The following CLXN variants were observed in gnomAD, a reference collection of about 807,000 sequenced individuals.
CLXN encodes the protein calaxin.
the CLXN span, chr8:48,724,837 CA>C: frequency 2.5e-6 from 4 of 1,577,154 alleles, no homozygotes; most frequent in African/African-American, 1.4e-5. Flanking sequence ...TATAAATTTC[CA>C]AAAAAGGTAG....
At chr8:48,715,498 C>T in the CLXN span, 1 of 152,240 alleles carries the variant, frequency 6.6e-6, no homozygotes, top group Non-Finnish European at 1.5e-5. Context: ...AGCTTGGCAA[C>T]AAAGGGGATC....
the CLXN span, among the ~76,000 whole-genome samples, chr8:48,726,484 TCATC>T: frequency 9.9e-3 from 1,047 of 105,318 alleles, 30 homozygotes; most frequent in East Asian, 0.14. Context: ...ATCCATCCAT[TCATC>T]CATCCATCCA....
chr8:48,723,625 C>T, the CLXN span: 2 of 152,290 alleles, frequency 1.3e-5, no homozygotes, highest in African/African-American at 4.8e-5. Flanking sequence ...GCAGCTCACC[C>T]AAGCCTAACC....
the CLXN span, among the ~76,000 whole-genome samples, chr8:48,728,267 T>C: frequency 6.6e-6 from 1 of 152,230 alleles, no homozygotes; most frequent in African/African-American, 2.4e-5. Context: ...CATCTCTTGT[T>C]CCATCTCTTT....
At chr8:48,734,980 A>G in the CLXN span, 1 of 1,208,732 alleles carries the variant, frequency 8.3e-7, no homozygotes. Flanking sequence ...GGCGGTAGGT[A>G]GCCCACAGAG....
the CLXN span, among the ~76,000 whole-genome samples, chr8:48,733,830 A>G: frequency 6.6e-6 from 1 of 152,194 alleles, no homozygotes; most frequent in African/African-American, 2.4e-5. Flanking sequence ...TCAAATTCAA[A>G]CTTACGGAAA....
At chr8:48,732,199 C>T in the CLXN span, among the ~76,000 whole-genome samples, 1 of 152,106 alleles carries the variant, frequency 6.6e-6, no homozygotes, top group African/African-American at 2.4e-5. Context: ...ATTTGTGTTC[C>T]AATCCCCATT....
At chr8:48,729,625 C>T in the CLXN span, 1 of 1,176,656 alleles carries the variant, frequency 8.5e-7, no homozygotes, top group Non-Finnish European at 1.2e-6. Flanking sequence ...TTTAAGCAAG[C>T]AGAGAACTGA....
the CLXN span, chr8:48,730,652 G>A: frequency 3.2e-6 from 5 of 1,566,622 alleles, no homozygotes; most frequent in Middle Eastern, 1.7e-4. Flanking sequence ...ATACTAAAGG[G>A]AGAGAGGTTA....
the CLXN span, among the ~76,000 whole-genome samples, chr8:48,732,850 A>G: frequency 6.6e-6 from 1 of 152,210 alleles, no homozygotes; most frequent in Non-Finnish European, 1.5e-5. Flanking sequence ...TAAGCCAGAC[A>G]CAAAAGGACA....
At chr8:48,724,059 C>G in the CLXN span, 1 of 152,106 alleles carries the variant, frequency 6.6e-6, no homozygotes, top group Non-Finnish European at 1.5e-5. Context: ...GATTTTCAGT[C>G]CAATCTACAG....
the CLXN span, chr8:48,735,081 C>T: frequency 6.2e-7 from 1 of 1,614,178 alleles, no homozygotes; most frequent in Non-Finnish European, 8.5e-7. Context: ...TCCAGCACTA[C>T]ATTCTTACTT....
the CLXN span, among the ~76,000 whole-genome samples, chr8:48,714,675 A>G: frequency 6.6e-6 from 1 of 152,342 alleles, no homozygotes; most frequent in South Asian, 2.1e-4. Context: ...AAAAGAATGT[A>G]TATTGCAGGG....
the CLXN span, among the ~76,000 whole-genome samples, chr8:48,716,951 T>G: frequency 2.0e-5 from 3 of 152,018 alleles, no homozygotes; most frequent in African/African-American, 7.2e-5. Context: ...ACACCCAGAT[T>G]AAAGAAATGC....
the CLXN span, among the ~76,000 whole-genome samples, chr8:48,712,045 T>C: frequency 6.6e-6 from 1 of 152,244 alleles, no homozygotes; most frequent in African/African-American, 2.4e-5. Context: ...TCTGACTTTA[T>C]CATGTTTCTA....
At chr8:48,727,132 C>A in the CLXN span, among the ~76,000 whole-genome samples, 1 of 149,056 alleles carries the variant, frequency 6.7e-6, no homozygotes, top group Non-Finnish European at 1.5e-5. Context: ...ACCCACACAC[C>A]CACATCACCC....
the CLXN span, chr8:48,735,154 CTG>C: frequency 6.2e-7 from 1 of 1,614,086 alleles, no homozygotes; most frequent in Non-Finnish European, 8.5e-7. Context: ...CGGTTCATGT[CTG>C]GCGCTCAGAG....
At chr8:48,734,323 C>T in the CLXN span, among the ~76,000 whole-genome samples, 3 of 152,136 alleles carry the variant, frequency 2.0e-5, no homozygotes, top group East Asian at 3.8e-4. Context: ...TAAACCATAC[C>T]CACGGCTTCC....
the CLXN span, among the ~76,000 whole-genome samples, chr8:48,726,602 C>T: frequency 4.0e-5 from 6 of 149,936 alleles, no homozygotes; most frequent in Non-Finnish European, 5.9e-5. Context: ...CCCACCCACT[C>T]ATCTTTTTAT....
Sources: allele counts gnomAD v4.1 joint callset (sites outside exome capture counted in the v4.1 genomes callset), GRCh38; gene constraint gnomAD v4.1.1; transcripts MANE v1.5; gene names NCBI Gene and HGNC (gene_info 2026-07-23, HGNC 2026-07-21).